The following ATP6V0A4 variants were observed in gnomAD, a reference collection of about 807,000 sequenced individuals.
ATP6V0A4 encodes the protein ATPase H+ transporting V0 subunit a4.
Under a neutral mutation model 107.3 loss-of-function variants are expected in ATP6V0A4, and 86 were observed. The observed-to-expected ratio is 0.80, with a 90% confidence interval of 0.67 to 0.96. The LOEUF (loss-of-function observed/expected upper bound fraction) is 0.96, where lower values mean the gene tolerates loss of function less well. Among genes scored for constraint, ATP6V0A4 ranks in the 40% least tolerant of loss-of-function variants. The pLI is 0.00. For missense variants in ATP6V0A4, 908 were observed against 1,045.6 expected, an observed-to-expected ratio of 0.87 and a Z score of 1.81; for synonymous variants, 353 against 381.4, an observed-to-expected ratio of 0.93 and a Z score of 0.87.
At chr7:138,759,538 T>C (rs965545234) in intron 8 of ATP6V0A4, among the ~76,000 whole-genome samples, 2 of 152,012 alleles carry the variant, frequency 1.3e-5, no homozygotes, top group Non-Finnish European at 2.9e-5. Context: ...AAACCAGTTA[T>C]GAGGTGTTGA....
At chr7:138,749,738 A>G (rs576537990) in intron 11 of ATP6V0A4, among the ~76,000 whole-genome samples, 10 of 152,032 alleles carry the variant, frequency 6.6e-5, no homozygotes, top group Non-Finnish European at 1.2e-4. Flanking sequence ...AAAATCCAGG[A>G]GTCTAATCCT....
chr7:138,738,048 C>T (rs914667639), intron 15 of ATP6V0A4, among the ~76,000 whole-genome samples: 4 of 151,986 alleles, frequency 2.6e-5, no homozygotes, highest in African/African-American at 9.6e-5. Flanking sequence ...AGGCATGAGC[C>T]ACCACATCTG....
chr7:138,786,913 A>C (rs1808201926), intron 1 of ATP6V0A4, among the ~76,000 whole-genome samples: 1 of 152,208 alleles, frequency 6.6e-6, no homozygotes, highest in East Asian at 1.9e-4. Context: ...CTTTCTAAAA[A>C]AGAAAAAAAA....
At chr7:138,718,026 G>A (rs1804144257) in intron 19 of ATP6V0A4, among the ~76,000 whole-genome samples, 1 of 148,630 alleles carries the variant, frequency 6.7e-6, no homozygotes, top group African/African-American at 2.5e-5. Flanking sequence ...GTCTGCGGAG[G>A]GAGACGTCCA....
chr7:138,708,022 TTTATTTATTTA>T (rs1300200399), intron 21 of ATP6V0A4, among the ~76,000 whole-genome samples: 158 of 102,450 alleles, frequency 1.5e-3, no homozygotes, highest in African/African-American at 8.0e-3. Context: ...TTTTATTTTA[TTTATTTATTTA>T]TTTATTTATT....
chr7:138,730,710 A>G (rs535311364), intron 17 of ATP6V0A4, among the ~76,000 whole-genome samples: 5 of 152,262 alleles, frequency 3.3e-5, no homozygotes, highest in African/African-American at 1.2e-4. Flanking sequence ...TTAAAACAGA[A>G]GAGTTATTTG....
intron 1 of ATP6V0A4, among the ~76,000 whole-genome samples, chr7:138,794,237 G>A (rs1027837705): frequency 1.3e-5 from 2 of 152,148 alleles, no homozygotes; most frequent in East Asian, 1.9e-4. Context: ...GGGAGCTGGG[G>A]CTTGGCAGGC....
intron 8 of ATP6V0A4, among the ~76,000 whole-genome samples, chr7:138,758,251 AAAG>A (rs1806607077): frequency 6.6e-6 from 1 of 152,246 alleles, no homozygotes; most frequent in African/African-American, 2.4e-5. Context: ...AAAACAAAGA[AAAG>A]AAAAAAATTA....
intron 16 of ATP6V0A4, 50 bp downstream of exon 16, chr7:138,734,086 T>C (rs201362655): frequency 6.4e-7 from 1 of 1,555,552 alleles, no homozygotes; most frequent in Non-Finnish European, 8.9e-7. Flanking sequence ...TCACCATTCA[T>C]CATCAGTGTG....
chr7:138,747,842 C>T (rs1426124397), intron 12 of ATP6V0A4, among the ~76,000 whole-genome samples: 1 of 152,052 alleles, frequency 6.6e-6, no homozygotes, highest in Non-Finnish European at 1.5e-5. Context: ...GCAACCTCCA[C>T]CTCCTGGGCT....
rs1296151768 is a variant in ATP6V0A4, at chr7:138,721,977, C to T, written c.2059G>A (p.Asp687Asn). Residue 687 changes from aspartate (D) to asparagine (N), a missense_variant, in exon 19 of 22, where the codon GAT becomes AAT. Coordinates refer to ENST00000310018, the MANE Select transcript of ATP6V0A4 (RefSeq NM_020632.3). Reference sequence around the variant, plus strand: ...GAACGGCTAGAAGGGCTGGAGCTATCACCTTCAATGTTCTCAGTGGCATCT... The same window carrying T: ...GAACGGCTAGAAGGGCTGGAGCTATTACCTTCAATGTTCTCAGTGGCATCT... ...QEDATENIEG[D>N]SSSPSSRSGQ... The T allele has an allele frequency of 6.2e-7, 1 of 1,614,154 alleles. No individual in the cohort carries two copies. Among genetic ancestry groups the T allele is most frequent in the Admixed American group, 1.7e-5 (1 of 60,012 alleles).
At position 138,749,321 on chromosome 7, in the gene ATP6V0A4, G is replaced by GA. The variant is rs752113040; in HGVS notation, c.1030-5dup. 17,849 of 1,476,660 alleles carry GA rather than the reference G, an allele frequency of 0.012. 1 individual carries two copies. The highest frequency in any genetic ancestry group is 0.019 in the Middle Eastern group (104 of 5,350). 91.5% of individuals were successfully genotyped at this position (1,476,660 alleles called of 1,614,324 possible). On this transcript the variant is annotated splice_polypyrimidine_tract_variant and splice_region_variant and intron_variant, in intron 11 of 21. Transcript: ENST00000310018. ...CCATGGAGGAGCCACTTAGTTCCTG[G>GA]AAAAAAAAAAAAAAGCGACAAAGAT...
At chr7:138,780,721 T>C (rs533595976) in intron 2 of ATP6V0A4, among the ~76,000 whole-genome samples, 28 of 152,092 alleles carry the variant, frequency 1.8e-4, no homozygotes, top group East Asian at 1.2e-3. Context: ...CTGGGCAACA[T>C]AGTGAGGCCT....
chr7:138,736,939 A>C (rs1805356196), intron 15 of ATP6V0A4, among the ~76,000 whole-genome samples: 1 of 151,700 alleles, frequency 6.6e-6, no homozygotes, highest in Non-Finnish European at 1.5e-5. Flanking sequence ...GCTCAAACTC[A>C]CAGAGCAAGT....
chr7:138,737,874 GCCT>G (rs1805428431), intron 15 of ATP6V0A4, among the ~76,000 whole-genome samples: 1 of 150,970 alleles, frequency 6.6e-6, no homozygotes, highest in Non-Finnish European at 1.5e-5. Flanking sequence ...CAATTCTCCT[GCCT>G]CAGCCTCCCA....
In ATP6V0A4 at chr7:138,773,375, A is replaced by G. The variant is rs909679759; in HGVS notation, c.-17-2111T>C. Among the ~76,000 whole-genome samples the G allele has an allele frequency of 3.9e-5, 6 of 152,000 alleles. No homozygotes were observed. Among genetic ancestry groups the G allele is most frequent in the Admixed American group, 1.3e-4 (2 of 15,256 alleles). ...CCCCGCATGACCCTGTCACTCCTCC[A>G]GTCTCCATGTAAGGATCTTCTTCCT... On this transcript the variant is annotated intron_variant, in intron 2 of 21. Transcript: ENST00000310018. This position sits in a 1 kb window ranked among gnomAD's most constrained non-coding sequence, Gnocchi z 5.4.
intron 10 of ATP6V0A4, among the ~76,000 whole-genome samples, chr7:138,754,379 C>T (rs1482040717): frequency 1.4e-5 from 2 of 145,462 alleles, no homozygotes; most frequent in African/African-American, 5.1e-5. Context: ...ACCCGGGAGG[C>T]GGAGGTTGCG....
At chr7:138,708,949 C>T (rs1803588478) in intron 21 of ATP6V0A4, among the ~76,000 whole-genome samples, 1 of 152,198 alleles carries the variant, frequency 6.6e-6, no homozygotes, top group African/African-American at 2.4e-5. Flanking sequence ...CGGTGCATGC[C>T]TGTAATCCCA....
intron 19 of ATP6V0A4, among the ~76,000 whole-genome samples, chr7:138,717,203 G>A (rs1804086063): frequency 6.6e-6 from 1 of 152,156 alleles, no homozygotes; most frequent in South Asian, 2.1e-4. Flanking sequence ...GAAAAGTCCC[G>A]GCTGGAAACG....
Sources: gnomAD v4.1 joint callset for allele counts (sites outside exome capture counted in the v4.1 genomes callset) on GRCh38, gnomAD v4.1.1 for gene constraint, Gnocchi (gnomAD v3.1) non-coding constraint, MANE v1.5 for transcripts, NCBI Gene and HGNC (gene_info 2026-07-23, HGNC 2026-07-21) for gene names.